SH3KBP1: variants seen among roughly 807,000 people sequenced by gnomAD.
SH3KBP1 encodes SH3 domain containing kinase binding protein 1.
In SH3KBP1, 8 loss-of-function variants were observed where a neutral mutation model predicts 50.1. The observed-to-expected ratio is 0.16, with a 90% confidence interval of 0.09 to 0.29. SH3KBP1 has a LOEUF of 0.29. SH3KBP1 is among the 10% of genes least tolerant of loss of function. The pLI, the probability that SH3KBP1 is intolerant of heterozygous loss-of-function variation, is 1.00. For missense variants in SH3KBP1, 377 were observed against 535.2 expected, an observed-to-expected ratio of 0.70 and a Z score of 2.92; for synonymous variants, 227 against 218.6, an observed-to-expected ratio of 1.04 and a Z score of -0.34.
intron 7 of SH3KBP1, among the ~76,000 whole-genome samples, chrX:19,636,160 G>A (rs112090500): frequency 0.04 from 4,281 of 107,988 alleles, 97 homozygotes; most frequent in Non-Finnish European, 0.063. Flanking sequence ...GAGAGAGAGA[G>A]AAAAAATAAA....
At chrX:19,760,041 C>CTCTCTCTCTCT (rs1472663912) in intron 2 of SH3KBP1, among the ~76,000 whole-genome samples, 3 of 50,453 alleles carry the variant, frequency 5.9e-5, no homozygotes, top group African/African-American at 2.8e-4. Context: ...TCTCTCTCTC[C>CTCTCTCTCTCT]CTCTCTCTCT....
intron 1 of SH3KBP1, among the ~76,000 whole-genome samples, chrX:19,849,560 G>A (rs760542356): frequency 2.1e-4 from 23 of 109,258 alleles, no homozygotes; most frequent in African/African-American, 6.4e-4. Flanking sequence ...GTGGTGGCAC[G>A]TGCCTGTAAT....
At chrX:19,836,661 G>T (rs899242843) in intron 1 of SH3KBP1, among the ~76,000 whole-genome samples, 1 of 111,652 alleles carries the variant, frequency 9.0e-6, no homozygotes. Context: ...CCCATCCCCC[G>T]CCAATACTAT....
intron 2 of SH3KBP1, among the ~76,000 whole-genome samples, chrX:19,812,249 C>A (rs1482971681): frequency 9.0e-6 from 1 of 111,431 alleles, no homozygotes; most frequent in African/African-American, 3.3e-5. Context: ...AACGGGCTGA[C>A]TTCATACACC....
intron 2 of SH3KBP1, among the ~76,000 whole-genome samples, chrX:19,769,658 T>C (rs752869877): frequency 9.0e-6 from 1 of 111,285 alleles, no homozygotes; most frequent in Non-Finnish European, 1.9e-5. Context: ...ACGTTGCAGT[T>C]TGAGTACTGG....
intron 16 of SH3KBP1, among the ~76,000 whole-genome samples, chrX:19,541,572 A>G (rs934411331): frequency 2.7e-5 from 3 of 112,125 alleles, no homozygotes; most frequent in Non-Finnish European, 5.6e-5. Flanking sequence ...CTAGCTGTTG[A>G]GCTTATTTAA....
chrX:19,605,258 A>T (rs1009063965), intron 9 of SH3KBP1, among the ~76,000 whole-genome samples: 1 of 111,385 alleles, frequency 9.0e-6, no homozygotes, highest in Admixed American at 9.6e-5. Flanking sequence ...TCAAAACCCT[A>T]CTGCCCATCA....
rs1196577012 is a variant in SH3KBP1 at position 19,684,942 on chromosome X, T to C, written c.521-914A>G. Among the ~76,000 whole-genome samples the C allele has an allele frequency of 4.1e-4, 46 of 112,538 alleles. No individual in the cohort carries two copies. In the Admixed American group the frequency reaches 4.1e-3, roughly 10 times the overall value. ...TCATGTTCCTAAAAGGAAGAGCCTA[T>C]TTGTGTCTAGTTAATTTCTGGGTGT... On this transcript the variant is annotated intron_variant, in intron 5 of 17. Transcript: ENST00000397821.
intron 2 of SH3KBP1, among the ~76,000 whole-genome samples, chrX:19,783,839 T>C (rs188957650): frequency 8.5e-4 from 95 of 112,050 alleles, no homozygotes; most frequent in Admixed American, 1.7e-3. Flanking sequence ...ATAAACCATA[T>C]CCTTAACTTT....
intron 6 of SH3KBP1, among the ~76,000 whole-genome samples, chrX:19,680,353 C>CTA (rs924186465): frequency 4.0e-5 from 4 of 100,065 alleles, no homozygotes; most frequent in Non-Finnish European, 6.0e-5. Flanking sequence ...GCACTCCAGC[C>CTA]TAGGCAACAG....
At chrX:19,877,891 C>G (rs1412758154) in intron 1 of SH3KBP1, among the ~76,000 whole-genome samples, 1 of 112,406 alleles carries the variant, frequency 8.9e-6, no homozygotes. Flanking sequence ...GACCAGCCTC[C>G]AGCAGTGCCC....
At chrX:19,872,252 C>CAAAAAAAAAAAA (rs67033348) in intron 1 of SH3KBP1, among the ~76,000 whole-genome samples, 9 of 37,946 alleles carry the variant, frequency 2.4e-4, no homozygotes, top group Non-Finnish European at 3.2e-4. Context: ...AACTTCATCT[C>CAAAAAAAAAAAA]AAAAAAAAAA....
In SH3KBP1 at chrX:19,770,393, T is replaced by C. The variant is rs373096751; in HGVS notation, c.163-23952A>G. Among the ~76,000 whole-genome samples, 11 of 112,547 alleles carry C rather than the reference T, an allele frequency of 9.8e-5. No individual in the cohort carries two copies. The East Asian group carries it at 1.9e-3, about 20-fold the overall frequency. ...GATCTCATTCTTTTTTATGGCTGCATAGTATTCCATGGTGTATATATACCA... is the reference window on the plus strand; with the variant it reads ...GATCTCATTCTTTTTTATGGCTGCACAGTATTCCATGGTGTATATATACCA... On this transcript the variant is annotated intron_variant, in intron 2 of 17. Coordinates refer to ENST00000397821, the MANE Select transcript of SH3KBP1 (RefSeq NM_031892.3).
intron 1 of SH3KBP1, among the ~76,000 whole-genome samples, chrX:19,851,461 G>A (rs1425786007): frequency 8.8e-6 from 1 of 113,019 alleles, no homozygotes; most frequent in Non-Finnish European, 1.9e-5. Context: ...AGGACAGACA[G>A]CATGTCTGCT....
chrX:19,857,042 T>C (rs1381641007), intron 1 of SH3KBP1, among the ~76,000 whole-genome samples: 7 of 88,277 alleles, frequency 7.9e-5, no homozygotes, highest in Admixed American at 1.4e-4. Flanking sequence ...TCCTCCCTGG[T>C]CTAAATCATC....
chrX:19,561,171 G>C, intron 13 of SH3KBP1, among the ~76,000 whole-genome samples: 1 of 109,384 alleles, frequency 9.1e-6, no homozygotes, highest in Non-Finnish European at 1.9e-5. Flanking sequence ...GAATTACATG[G>C]AAGCCAAAAT....
At chrX:19,800,963 G>T (rs1192950746) in intron 2 of SH3KBP1, among the ~76,000 whole-genome samples, 1 of 111,365 alleles carries the variant, frequency 9.0e-6, no homozygotes, top group Non-Finnish European at 1.9e-5. Flanking sequence ...AGCACTGCTG[G>T]TTGCCTACCC....
intron 15 of SH3KBP1, 32 bp from the exon 16 acceptor site, chrX:19,542,225 G>A (rs2064937308): frequency 1.8e-6 from 2 of 1,139,165 alleles, no homozygotes; most frequent in Non-Finnish European, 2.3e-6. Context: ...AGGGTTCAGG[G>A]CCGGGGATTT....
chrX:19,741,612 C>T (rs899362348), intron 3 of SH3KBP1, among the ~76,000 whole-genome samples: 8 of 111,944 alleles, frequency 7.1e-5, no homozygotes, highest in Non-Finnish European at 1.3e-4. Flanking sequence ...ATAAAGCCAA[C>T]CAGAAACCCA....
Sources: gnomAD v4.1 joint callset for allele counts (sites outside exome capture counted in the v4.1 genomes callset) on GRCh38, gnomAD v4.1.1 for gene constraint, MANE v1.5 for transcripts, NCBI Gene and HGNC (gene_info 2026-07-23, HGNC 2026-07-21) for gene names.